DLK1: variants seen among roughly 807,000 people sequenced by gnomAD.
DLK1 encodes delta like non-canonical Notch ligand 1.
A neutral mutation model predicts 35.2 loss-of-function variants in DLK1; 9 were observed. The ratio of observed to expected loss-of-function variants is 0.26; its 90% CI spans 0.15 to 0.45. The LOEUF is 0.45. Among genes scored for constraint, DLK1 ranks in the 20% least tolerant of loss-of-function variants. DLK1 has a pLI of 1.00. For missense variants in DLK1, 522 were observed against 528.5 expected (o/e 0.99, Z 0.12); for synonymous variants, 231 against 228.4 (o/e 1.01, Z -0.10).
Position 100,734,198 on chromosome 14 carries a change from T to C in DLK1, c.454T>C (p.Ser152Pro). ...CTGCGTGGATGATGAGGGCCGGGCC[T>C]CCCATGCCTCCTGCCTGTGCCCCCC... is the stretch of plus-strand genomic sequence containing the variant. ...GTCVDDEGRA[S>P]HASCLCPPGF... is the part of the protein sequence containing the mutation. Residue 152 changes from serine (S) to proline (P), a missense_variant, in exon 5 of 5, where the codon TCC becomes CCC. Physicochemically the swap from Ser to Pro is moderately conservative, Grantham distance 74. Transcript: ENST00000341267. This position sits in a 1 kb window ranked among gnomAD's most constrained non-coding sequence, Gnocchi z 7.4. 1.2e-6 allele frequency: 2 copies of C among 1,612,664 alleles called. No individual in the cohort carries two copies. The highest frequency in any genetic ancestry group is 8.5e-7 in the Non-Finnish European group (1 of 1,179,872).
rs749564412 is a variant in DLK1, at chr14:100,732,151, C to T, written c.372C>T (p.Cys124=). 1 of 1,613,890 alleles carries T rather than the reference C, an allele frequency of 6.2e-7. No individual in the cohort carries two copies. The change falls in exon 4 of 5, where the codon TGC becomes TGT. Residue 124 remains cysteine, a synonymous_variant. Transcript: ENST00000341267. ...SCAPGYSGKD[C]QKKDGPCVIN... is the part of the protein sequence containing the mutation. ...CCCCCGGGTACTCGGGAAAGGACTG[C>T]CAGAAAAAGGACGGGCCCTGTGTGA...
At chr14:100,732,273 G>T (rs1027090340) in intron 4 of DLK1, 90 bp downstream of exon 4, 18 of 1,516,198 alleles carry the variant, frequency 1.2e-5, no homozygotes, top group Non-Finnish European at 1.5e-5. Context: ...TGGACCTGTC[G>T]TCTGACAAAA....
chr14:100,730,618 A>G (rs2036496078), intron 3 of DLK1, among the ~76,000 whole-genome samples: 1 of 152,204 alleles, frequency 6.6e-6, no homozygotes, highest in South Asian at 2.1e-4. Context: ...CTGATCCAGG[A>G]TTGGCATAGC....
chr14:100,733,870 G>C (rs1052810157), intron 4 of DLK1, among the ~76,000 whole-genome samples: 2 of 152,172 alleles, frequency 1.3e-5, no homozygotes, highest in Non-Finnish European at 2.9e-5. Flanking sequence ...GGGAGGTCGG[G>C]TGTGTCCCAG....
intron 3 of DLK1, 118 bp from the exon 4 acceptor site, chr14:100,731,924 C>T (rs2036511878): frequency 2.3e-6 from 3 of 1,322,730 alleles, no homozygotes; most frequent in Non-Finnish European, 3.0e-6. Flanking sequence ...GCTCCCTAAA[C>T]CCTCTTACTC....
At chr14:100,729,209 T>C (rs1260664406) in intron 3 of DLK1, 143 bp downstream of exon 3, 3 of 1,442,478 alleles carry the variant, frequency 2.1e-6, no homozygotes, top group Non-Finnish European at 2.8e-6. Context: ...TAAAGATCTG[T>C]TTATAAATTT....
At chr14:100,731,839 C>G (rs1489264314) in intron 3 of DLK1, among the ~76,000 whole-genome samples, 1 of 152,206 alleles carries the variant, frequency 6.6e-6, no homozygotes, top group African/African-American at 2.4e-5. Context: ...ACTTTCTGAT[C>G]TGTGACCTTA....
Position 100,735,916 on chromosome 14 carries a change from T to C in DLK1, c.*1020T>C, listed in dbSNP as rs1595211382. The C allele has an allele frequency of 8.0e-6, 1 of 125,626 alleles. No homozygotes were observed. The highest frequency in any genetic ancestry group is 9.0e-5 in the Admixed American group (1 of 11,120). The allele number at this position is 125,626 out of a possible 1,614,324, so 7.8% of individuals were successfully genotyped here. ...CCCAACACTATACCTGCCTCTACCC[T>C]ATAGAGACATCCCTTGAGACTTGAA... On this transcript the variant is annotated 3_prime_UTR_variant, in exon 5 of 5. Coordinates refer to ENST00000341267, the MANE Select transcript of DLK1 (RefSeq NM_003836.7).
Position 100,729,134 on chromosome 14 carries a change from C to T in DLK1, c.262+68C>T, listed in dbSNP as rs1012637254. On this transcript the variant is annotated intron_variant, in intron 3 of 4. Coordinates refer to ENST00000341267, the MANE Select transcript of DLK1 (RefSeq NM_003836.7). ...TGCCTGCCCTAGCCCCTACCACCTC[C>T]TCCCAGTCTCCTGTTGCTGGTGTTC... 4.4e-6 allele frequency: 7 copies of T among 1,604,378 alleles called. No individual in the cohort carries two copies. The Admixed American group carries it at 6.7e-5, about 15-fold the overall frequency.
chr14:100,734,162 C>A lies in DLK1; in HGVS notation c.418C>A (p.His140Asn). 1 of 1,606,978 alleles carries A rather than the reference C, an allele frequency of 6.2e-7. No individual in the cohort carries two copies. Among genetic ancestry groups the A allele is most frequent in the Admixed American group, 1.7e-5 (1 of 59,468 alleles). ...PCVINGSPCQ[H>N]GGTCVDDEGR... Reference sequence around the variant, plus strand: ...GTTGTGTTGCAGCTCCCCCTGCCAGCACGGAGGCACCTGCGTGGATGATGA... The same window carrying A: ...GTTGTGTTGCAGCTCCCCCTGCCAGAACGGAGGCACCTGCGTGGATGATGA... Residue 140 changes from histidine to asparagine, a missense_variant, in exon 5 of 5, where the codon CAC becomes AAC. His to Asn is a moderately conservative substitution (Grantham distance 68). Coordinates refer to ENST00000341267, the MANE Select transcript of DLK1 (RefSeq NM_003836.7). The surrounding 1 kb of genome is among the most constrained non-coding windows in gnomAD (Gnocchi z 7.4).
intron 4 of DLK1, among the ~76,000 whole-genome samples, 193 bp from the exon 5 acceptor site, chr14:100,733,954 CAG>C (rs1226866607): frequency 1.5e-5 from 2 of 137,918 alleles, no homozygotes; most frequent in Non-Finnish European, 3.1e-5. Flanking sequence ...TTCTCGCAGA[CAG>C]GGGTCACGGC....
At chr14:100,732,851 A>T (rs2036525629) in intron 4 of DLK1, among the ~76,000 whole-genome samples, 1 of 152,126 alleles carries the variant, frequency 6.6e-6, no homozygotes, top group Non-Finnish European at 1.5e-5. Flanking sequence ...TCCCCGCTGG[A>T]TGGGGCTTAG....
rs1567022421 is a variant in DLK1, at chr14:100,734,318, T to G, written c.574T>G (p.Phe192Val). ...CGTCTGCACTGACATTGGGGGCGACTTCCGCTGCCGGTGCCCAGCCGGCTT... is the reference window on the plus strand; with the variant it reads ...CGTCTGCACTGACATTGGGGGCGACGTCCGCTGCCGGTGCCCAGCCGGCTT... ...DGVCTDIGGD[F>V]RCRCPAGFID... is the part of the protein sequence containing the mutation. The change falls in exon 5 of 5, where the codon TTC becomes GTC. Residue 192 changes from phenylalanine (F) to valine (V), a missense_variant. Transcript: ENST00000341267. The surrounding 1 kb of genome is among the most constrained non-coding windows in gnomAD (Gnocchi z 7.4). 2.5e-6 allele frequency: 4 copies of G among 1,613,228 alleles called. No homozygotes were observed. The highest frequency in any genetic ancestry group is 3.4e-6 in the Non-Finnish European group (4 of 1,179,958).
chr14:100,734,995 A>G lies in DLK1; in HGVS notation c.*99A>G. 1 of 1,457,418 alleles carries G rather than the reference A, an allele frequency of 6.9e-7. No individual in the cohort carries two copies. The highest frequency in any genetic ancestry group is 9.1e-7 in the Non-Finnish European group (1 of 1,098,100). The allele number at this position is 1,457,418 out of a possible 1,614,324, so 90.3% of individuals were successfully genotyped here. Reference sequence around the variant, plus strand: ...TGTGGTGTTCGCTATCTCTTGTGTCAAATCTGGTGAACGCTACGCTTACAT... The same window carrying G: ...TGTGGTGTTCGCTATCTCTTGTGTCGAATCTGGTGAACGCTACGCTTACAT... On this transcript the variant is annotated 3_prime_UTR_variant, in exon 5 of 5. Transcript: ENST00000341267. This position sits in a 1 kb window ranked among gnomAD's most constrained non-coding sequence, Gnocchi z 7.4.
intron 4 of DLK1, 77 bp downstream of exon 4, chr14:100,732,260 T>C (rs2036518661): frequency 1.3e-6 from 2 of 1,536,476 alleles, no homozygotes; most frequent in African/African-American, 2.8e-5. Context: ...AGCCTAACCC[T>C]GCTGGACCTG....
intron 2 of DLK1, 152 bp downstream of exon 2, chr14:100,728,611 G>A: frequency 3.6e-6 from 1 of 278,108 alleles, no homozygotes; most frequent in Admixed American, 4.6e-5. Context: ...GCGAGCTGGG[G>A]AGATGGGGGG....
chr14:100,728,622 G>GA, intron 2 of DLK1, 163 bp downstream of exon 2: 1 of 225,956 alleles, frequency 4.4e-6, no homozygotes. Flanking sequence ...AGATGGGGGG[G>GA]GCGGGGGGGG....
rs796443575 is a variant in DLK1, at chr14:100,735,067, C to T, written c.*171C>T. ...GTGACAAACGCAATGCAAAAACAAT[C>T]CTCTTTCTCTCTCTTAATGCATGAT... On this transcript the variant is annotated 3_prime_UTR_variant, in exon 5 of 5. Transcript: ENST00000341267. 2 of 748,716 alleles carry T rather than the reference C, an allele frequency of 2.7e-6. No individual in the cohort carries two copies. Among genetic ancestry groups the T allele is most frequent in the East Asian group, 2.9e-5 (1 of 34,544 alleles). The allele number at this position is 748,716 out of a possible 1,614,324, so 46.4% of individuals were successfully genotyped here.
At chr14:100,729,093 G>C (rs756679881) in intron 3 of DLK1, 27 bp downstream of exon 3, 1 of 1,612,438 alleles carries the variant, frequency 6.2e-7, no homozygotes, top group Non-Finnish European at 8.5e-7. Flanking sequence ...GTTCACCTCA[G>C]CTCTGCGTCC....
Sources: allele counts gnomAD v4.1 joint callset (sites outside exome capture counted in the v4.1 genomes callset), GRCh38; gene constraint gnomAD v4.1.1; non-coding constraint Gnocchi (gnomAD v3.1); transcripts MANE v1.5; gene names NCBI Gene and HGNC (gene_info 2026-07-23, HGNC 2026-07-21).